The following ZBTB20 variants were observed in gnomAD, a reference collection of about 807,000 sequenced individuals.
ZBTB20 encodes the protein zinc finger and BTB domain containing 20.
In ZBTB20, 9 loss-of-function variants were observed where a neutral mutation model predicts 56.9. The ratio of observed to expected loss-of-function variants is 0.16; its 90% CI spans 0.10 to 0.28. ZBTB20 has a LOEUF of 0.28. Among genes scored for constraint, ZBTB20 ranks in the 10% least tolerant of loss-of-function variants. The pLI, the probability that ZBTB20 is intolerant of heterozygous loss-of-function variation, is 1.00. For synonymous variants in ZBTB20, 417 were observed against 420.7 expected, an observed-to-expected ratio of 0.99 and a Z score of 0.11; for missense variants, 655 against 1,003.0, an observed-to-expected ratio of 0.65 and a Z score of 4.69.
intron 10 of ZBTB20, among the ~76,000 whole-genome samples, chr3:114,354,587 G>GTTT (rs10663657): frequency 5.4e-4 from 70 of 130,126 alleles, no homozygotes; most frequent in Non-Finnish European, 6.7e-4. Context: ...TGTTTTGTTT[G>GTTT]TTTTTTTTTT....
intron 6 of ZBTB20, among the ~76,000 whole-genome samples, chr3:114,532,443 T>C (rs1244715013): frequency 2.6e-5 from 4 of 152,168 alleles, no homozygotes; most frequent in African/African-American, 9.7e-5. Context: ...TCTAGATTTC[T>C]CCTCTCTGAG....
intron 7 of ZBTB20, among the ~76,000 whole-genome samples, chr3:114,493,440 CCTT>C (rs2042952767): frequency 6.6e-6 from 1 of 152,166 alleles, no homozygotes; most frequent in Non-Finnish European, 1.5e-5. Context: ...ATGCCACAGT[CCTT>C]CTTAAGTTTG....
intron 3 of ZBTB20, among the ~76,000 whole-genome samples, chr3:114,922,487 AT>A (rs1294906871): frequency 2.0e-5 from 3 of 152,236 alleles, no homozygotes; most frequent in Admixed American, 2.0e-4. Flanking sequence ...TCAGGATACA[AT>A]GTAACATACA....
rs3773673 is a variant in ZBTB20, at chr3:114,342,825, T to C, written c.1805-3399A>G. Among the ~76,000 whole-genome samples, 90 of 152,352 alleles carry C rather than the reference T, an allele frequency of 5.9e-4. No individual in the cohort carries two copies. The East Asian group carries it at 0.013, about 21-fold the overall frequency. On this transcript the variant is annotated intron_variant, in intron 11 of 11. Transcript: ENST00000675478. ...ATAATCAGTAAAACAAGTGATTATA[T>C]TGCAGCTATGTAATTCAGAGTTAAA...
At chr3:114,842,664 A>G (rs1225701425) in intron 4 of ZBTB20, among the ~76,000 whole-genome samples, 2 of 152,198 alleles carry the variant, frequency 1.3e-5, no homozygotes, top group Non-Finnish European at 2.9e-5. Flanking sequence ...TTCAACTAAG[A>G]TCTAAAAAAT....
chr3:114,483,409 A>G (rs1346325211), intron 7 of ZBTB20, among the ~76,000 whole-genome samples: 1 of 151,974 alleles, frequency 6.6e-6, no homozygotes, highest in East Asian at 1.9e-4. Context: ...GCACACCATT[A>G]CCATCTGAGA....
At chr3:115,139,383 A>G (rs1381339562) in intron 1 of ZBTB20, among the ~76,000 whole-genome samples, 1 of 152,108 alleles carries the variant, frequency 6.6e-6, no homozygotes, top group Non-Finnish European at 1.5e-5. Context: ...AAGATATATC[A>G]AGTAGGTATA....
intron 1 of ZBTB20, among the ~76,000 whole-genome samples, chr3:115,137,257 G>C (rs967917856): frequency 3.3e-5 from 5 of 151,970 alleles, no homozygotes; most frequent in Non-Finnish European, 5.9e-5. Flanking sequence ...TTGTAATATA[G>C]CTTAACAGTA....
intron 6 of ZBTB20, among the ~76,000 whole-genome samples, chr3:114,673,556 C>A (rs1239487033): frequency 1.3e-5 from 2 of 151,946 alleles, no homozygotes; most frequent in Non-Finnish European, 1.5e-5. Context: ...AAACTGTTAT[C>A]ACGAAAAAGG....
At chr3:114,346,683 A>ATTTTTTTTTTTTTTTT (rs34177643) in intron 11 of ZBTB20, among the ~76,000 whole-genome samples, 1 of 136,920 alleles carries the variant, frequency 7.3e-6, no homozygotes, top group Non-Finnish European at 1.6e-5. Context: ...TCTCAAACAG[A>ATTTTTTTTTTTTTTTT]TTTTTTTTTT....
chr3:114,398,585 G>C (rs527629056), intron 7 of ZBTB20, among the ~76,000 whole-genome samples: 57 of 152,198 alleles, frequency 3.7e-4, no homozygotes, highest in African/African-American at 1.3e-3. Flanking sequence ...GTGAAAGTAA[G>C]AATTTGCATT....
At chr3:114,532,444 C>T (rs2047957480) in intron 6 of ZBTB20, among the ~76,000 whole-genome samples, 1 of 152,198 alleles carries the variant, frequency 6.6e-6, no homozygotes, top group Non-Finnish European at 1.5e-5. Flanking sequence ...CTAGATTTCT[C>T]CTCTCTGAGC....
intron 1 of ZBTB20, among the ~76,000 whole-genome samples, chr3:115,116,319 T>C (rs1388430592): frequency 6.6e-6 from 1 of 152,048 alleles, no homozygotes; most frequent in Non-Finnish European, 1.5e-5. Flanking sequence ...ATTTTTTAAA[T>C]AAAAAACACA....
At chr3:114,517,364 T>A (rs935543084) in intron 6 of ZBTB20, among the ~76,000 whole-genome samples, 2 of 152,160 alleles carry the variant, frequency 1.3e-5, no homozygotes, top group African/African-American at 4.8e-5. Flanking sequence ...TTTCTGACAC[T>A]GAGAGTCATA....
intron 7 of ZBTB20, among the ~76,000 whole-genome samples, chr3:114,449,914 T>A (rs1450348515): frequency 6.6e-6 from 1 of 152,182 alleles, no homozygotes; most frequent in Non-Finnish European, 1.5e-5. Context: ...TCTATTTCAG[T>A]GAAATAACTG....
intron 4 of ZBTB20, among the ~76,000 whole-genome samples, chr3:114,804,636 A>T (rs1045918549): frequency 6.6e-6 from 1 of 151,860 alleles, no homozygotes; most frequent in African/African-American, 2.4e-5. Context: ...CTATTTAAAA[A>T]CTTTTTATTA....
At chr3:114,416,670 C>T (rs2733395) in intron 7 of ZBTB20, among the ~76,000 whole-genome samples, 140,375 of 152,008 alleles carry the variant, frequency 0.92, 65,849 homozygotes, top group East Asian at 1. Context: ...AGCAGCTCAG[C>T]TGCAGCTCCA....
intron 4 of ZBTB20, among the ~76,000 whole-genome samples, chr3:114,891,756 T>A (rs2076817383): frequency 6.6e-6 from 1 of 152,172 alleles, no homozygotes; most frequent in Non-Finnish European, 1.5e-5. Context: ...AAACATTTTT[T>A]AAAAATCCAG....
chr3:114,833,523 A>AT (rs916667957), intron 4 of ZBTB20, among the ~76,000 whole-genome samples: 10 of 151,452 alleles, frequency 6.6e-5, no homozygotes, highest in African/African-American at 1.9e-4. Flanking sequence ...TAACAAGAGA[A>AT]TTTTTTTTAT....
Sources: gnomAD v4.1 joint callset for allele counts (sites outside exome capture counted in the v4.1 genomes callset) on GRCh38, gnomAD v4.1.1 for gene constraint, MANE v1.5 for transcripts, NCBI Gene and HGNC (gene_info 2026-07-23, HGNC 2026-07-21) for gene names.